The following HCFC2 variants were observed in gnomAD, a reference collection of about 807,000 sequenced individuals.
HCFC2 encodes the protein host cell factor 2.
HCFC2 carries 18 observed loss-of-function variants against 89.2 expected under a neutral mutation model. That is an observed-to-expected ratio of 0.20 (90% CI 0.14 to 0.30). The LOEUF is 0.30. Ranked by LOEUF, HCFC2 falls within the 10% of genes least tolerant of loss-of-function variation. HCFC2 has a pLI of 1.00. For synonymous variants in HCFC2, 308 were observed against 335.7 expected (o/e 0.92, Z 0.90); for missense variants, 578 against 956.1 (o/e 0.60, Z 5.21).
At chr12:104,085,310 C>T (rs1423587509) in intron 7 of HCFC2, among the ~76,000 whole-genome samples, 4 of 151,878 alleles carry the variant, frequency 2.6e-5, no homozygotes, top group Non-Finnish European at 5.9e-5. Context: ...AGAGTAAATG[C>T]TTTCTGTGGA....
At chr12:104,100,444 A>G (rs1002008864) in intron 13 of HCFC2, among the ~76,000 whole-genome samples, 9 of 151,982 alleles carry the variant, frequency 5.9e-5, no homozygotes, top group African/African-American at 1.2e-4. Flanking sequence ...TGGGCAAGGT[A>G]CGTGCCTCTG....
In HCFC2 at chr12:104,080,726, A is replaced by G. The variant is rs756881906; in HGVS notation, c.683-20A>G. On this transcript the variant is annotated intron_variant, in intron 4 of 14. Coordinates refer to ENST00000229330, the MANE Select transcript of HCFC2 (RefSeq NM_013320.3). ...ACTCTTGTTAGATCAAGTTGCTAATATAATTATTTTTACTTTTAGAAACTA... is the reference window on the plus strand; with the variant it reads ...ACTCTTGTTAGATCAAGTTGCTAATGTAATTATTTTTACTTTTAGAAACTA... The G allele has an allele frequency of 2.0e-6, 3 of 1,464,552 alleles. No homozygotes were observed. The highest frequency in any genetic ancestry group is 2.0e-5 in the Admixed American group (1 of 50,334). 90.7% of individuals were successfully genotyped at this position (1,464,552 alleles called of 1,614,324 possible). A position where few individuals can be genotyped will look rare whatever the true frequency, so the allele number is the denominator to read the frequency against.
intron 10 of HCFC2, among the ~76,000 whole-genome samples, chr12:104,094,663 G>A (rs933596659): frequency 1.3e-5 from 2 of 152,118 alleles, no homozygotes; most frequent in African/African-American, 4.8e-5. Context: ...TTAAAGTAGT[G>A]TGCTAGAAAT....
Position 104,093,515 on chromosome 12 carries a change from G to A in HCFC2, c.1414G>A (p.Ala472Thr). ...AILYPSLASN[A>T]SNHNSHVVDM... ...TTTATATCCATCTTTGGCATCAAAT[G>A]CTTCTAATCATAATAGTCATGTGGT... is the stretch of plus-strand genomic sequence containing the variant. Residue 472 changes from alanine (A) to threonine (T), a missense_variant, in exon 10 of 15, where the codon GCT (alanine) becomes ACT (threonine). Ala to Thr is a moderately conservative substitution (Grantham distance 58). Around this residue, in one of 4 missense-constraint regions of HCFC2, gnomAD observed 210 missense variants for 251.7 expected, o/e 0.83. Coordinates refer to ENST00000229330, the MANE Select transcript of HCFC2 (RefSeq NM_013320.3). 1 of 1,613,174 alleles carries A rather than the reference G, an allele frequency of 6.2e-7. No individual in the cohort carries two copies. Among genetic ancestry groups the A allele is most frequent in the Non-Finnish European group, 8.5e-7 (1 of 1,179,462 alleles).
At chr12:104,066,417 A>C (rs983240846) in intron 2 of HCFC2, 102 bp downstream of exon 2, 1 of 806,746 alleles carries the variant, frequency 1.2e-6, no homozygotes, top group Non-Finnish European at 1.9e-6. Context: ...AACACATTTT[A>C]ATATTATTCA....
At chr12:104,087,470 T>TAC (rs1883897761) in intron 8 of HCFC2, among the ~76,000 whole-genome samples, 1 of 7,338 alleles carries the variant, frequency 1.4e-4, no homozygotes, top group South Asian at 6.7e-3. Context: ...TATATACATA[T>TAC]ATATATATAT....
At chr12:104,100,394 C>G (rs536129197) in intron 13 of HCFC2, among the ~76,000 whole-genome samples, 1 of 152,098 alleles carries the variant, frequency 6.6e-6, no homozygotes, top group South Asian at 2.1e-4. Context: ...GCCTGGGCAA[C>G]ATGGCAAGAT....
At chr12:104,087,483 ATG>A (rs1246152747) in intron 8 of HCFC2, among the ~76,000 whole-genome samples, 16 of 137,422 alleles carry the variant, frequency 1.2e-4, no homozygotes, top group East Asian at 4.3e-4. Flanking sequence ...ATATATATAT[ATG>A]TATATATATA....
intron 3 of HCFC2, among the ~76,000 whole-genome samples, chr12:104,077,885 C>T (rs2930856): frequency 0.83 from 126,550 of 152,096 alleles, 52,882 homozygotes; most frequent in South Asian, 0.87. Flanking sequence ...GTAGTAAGTT[C>T]TTCTTAGTGG....
chr12:104,071,598 A>AT (rs1035000357), intron 3 of HCFC2, among the ~76,000 whole-genome samples: 1 of 151,990 alleles, frequency 6.6e-6, no homozygotes, highest in African/African-American at 2.4e-5. Context: ...ATTTTATTTT[A>AT]TTTTTTTGAG....
chr12:104,096,387 CGAA>C lies in HCFC2; in HGVS notation c.1697_1699del (p.Lys566del). On this transcript the variant is annotated inframe_deletion, in exon 12 of 15. Transcript: ENST00000229330. ...GATGAAACATATGCACTGCCTGCAA[CGAA>C]GATCAGCCGTGTAGAGACACATGCT... 1 of 1,606,160 alleles carries C rather than the reference CGAA, an allele frequency of 6.2e-7. No individual in the cohort carries two copies. The highest frequency in any genetic ancestry group is 8.5e-7 in the Non-Finnish European group (1 of 1,174,726).
intron 9 of HCFC2, among the ~76,000 whole-genome samples, chr12:104,089,494 T>C (rs564828867): frequency 7.2e-5 from 11 of 152,130 alleles, no homozygotes; most frequent in Non-Finnish European, 1.6e-4. Context: ...CCAGCCTGGG[T>C]GACCGAGCAA....
intron 3 of HCFC2, among the ~76,000 whole-genome samples, chr12:104,073,433 G>A (rs1156433517): frequency 6.6e-6 from 1 of 152,060 alleles, no homozygotes; most frequent in African/African-American, 2.4e-5. Context: ...AAAGTGCTGG[G>A]ATTACAAGCA....
intron 7 of HCFC2, among the ~76,000 whole-genome samples, chr12:104,085,309 G>A (rs1161494047): frequency 6.6e-6 from 1 of 152,048 alleles, no homozygotes; most frequent in Non-Finnish European, 1.5e-5. Context: ...GAGAGTAAAT[G>A]CTTTCTGTGG....
intron 3 of HCFC2, among the ~76,000 whole-genome samples, chr12:104,077,592 A>T: frequency 7.3e-6 from 1 of 137,680 alleles, no homozygotes. Context: ...ACTGCTTTCT[A>T]TATACTATAC....
intron 12 of HCFC2, 71 bp downstream of exon 12, chr12:104,096,504 A>G: frequency 9.8e-7 from 1 of 1,018,216 alleles, no homozygotes; most frequent in Non-Finnish European, 1.5e-6. Flanking sequence ...AGCAACTTCT[A>G]AATAATTTCA....
At chr12:104,092,148 A>G (rs1423842950) in intron 9 of HCFC2, among the ~76,000 whole-genome samples, 2 of 152,242 alleles carry the variant, frequency 1.3e-5, no homozygotes, top group Non-Finnish European at 2.9e-5. Flanking sequence ...TGATATTCAC[A>G]TTGATGACTT....
intron 1 of HCFC2, among the ~76,000 whole-genome samples, 200 bp from the exon 2 acceptor site, chr12:104,065,967 C>T (rs1339883137): frequency 6.6e-6 from 1 of 151,956 alleles, no homozygotes; most frequent in South Asian, 2.1e-4. Flanking sequence ...TGGCAGCATC[C>T]CTGCCTCTAC....
intron 13 of HCFC2, among the ~76,000 whole-genome samples, chr12:104,099,386 A>C (rs796435760): frequency 2.7e-4 from 41 of 152,302 alleles, no homozygotes; most frequent in African/African-American, 9.1e-4. Flanking sequence ...TCACCAAGTT[A>C]CATTGTATTC....
Sources: allele counts gnomAD v4.1 joint callset (sites outside exome capture counted in the v4.1 genomes callset), GRCh38; gene constraint gnomAD v4.1.1; regional missense constraint gnomAD v4.1.1; transcripts MANE v1.5; gene names NCBI Gene and HGNC (gene_info 2026-07-23, HGNC 2026-07-21).